E2F7: variants seen among roughly 807,000 people sequenced by gnomAD.
The protein encoded by E2F7 is E2F transcription factor 7.
Under a neutral mutation model 81.1 loss-of-function variants are expected in E2F7, and 35 were observed. That is an observed-to-expected ratio of 0.43 (90% CI 0.33 to 0.57). E2F7 has a LOEUF of 0.57. Ranked by LOEUF, E2F7 falls within the 20% of genes least tolerant of loss-of-function variation. The pLI, the probability that E2F7 is intolerant of heterozygous loss-of-function variation, is 0.04. For missense variants in E2F7, 961 were observed against 1,093.7 expected, an observed-to-expected ratio of 0.88 and a Z score of 1.71; for synonymous variants, 416 against 416.2, an observed-to-expected ratio of 1.00 and a Z score of 0.01.
intron 5 of E2F7, 160 bp downstream of exon 5, chr12:77,045,878 T>C (rs1038996968): frequency 2.3e-5 from 21 of 919,274 alleles, no homozygotes; most frequent in Non-Finnish European, 3.4e-5. Flanking sequence ...GGCAGTCCAG[T>C]TGGGGAGCCA....
intron 4 of E2F7, 53 bp downstream of exon 4, chr12:77,050,523 C>A (rs1954977719): frequency 4.4e-6 from 7 of 1,591,200 alleles, no homozygotes; most frequent in Non-Finnish European, 6.0e-6. Context: ...CCAAGGAAAC[C>A]AGTTTCCCAC....
chr12:77,032,027 G>A (rs191458139), intron 9 of E2F7, among the ~76,000 whole-genome samples: 5 of 152,222 alleles, frequency 3.3e-5, no homozygotes, highest in African/African-American at 9.6e-5. Flanking sequence ...CTCCTTTAGC[G>A]AGCCCTGCCA....
intron 2 of E2F7, among the ~76,000 whole-genome samples, chr12:77,058,301 A>G (rs1340493973): frequency 2.0e-5 from 3 of 152,326 alleles, no homozygotes; most frequent in African/African-American, 4.8e-5. Flanking sequence ...CATAGGCACT[A>G]ATATTTTTCC....
intron 7 of E2F7, among the ~76,000 whole-genome samples, chr12:77,042,246 A>C (rs1954899839): frequency 6.6e-6 from 1 of 152,246 alleles, no homozygotes; most frequent in African/African-American, 2.4e-5. Context: ...GTGCATACGC[A>C]CTGGGTTGAA....
At chr12:77,039,198 C>T (rs1954877011) in intron 7 of E2F7, among the ~76,000 whole-genome samples, 1 of 152,160 alleles carries the variant, frequency 6.6e-6, no homozygotes, top group Admixed American at 6.5e-5. Context: ...GAAAAGCACC[C>T]CATTGATCCA....
In E2F7 at chr12:77,025,586, T is replaced by C. The variant is rs1241104584; in HGVS notation, c.2537A>G (p.His846Arg). 3 of 1,614,104 alleles carry C rather than the reference T, an allele frequency of 1.9e-6. No homozygotes were observed. In the African/African-American group the frequency reaches 4.0e-5, roughly 22 times the overall value. ...ATGTAATTTTACTACTGAGACTGGA[T>C]GTCCCACGTAAACGGGGGACTCAGG... ...QQPESPVYVG[H>R]PVSVVKLHQS... Residue 846 changes from histidine (H) to arginine (R), a missense_variant, in exon 12 of 13, where the codon CAT (histidine) becomes CGT (arginine). Around this residue, in one of 3 missense-constraint regions of E2F7, gnomAD observed 587 missense variants for 620.3 expected, o/e 0.95. Coordinates refer to ENST00000322886, the MANE Select transcript of E2F7 (RefSeq NM_203394.3).
At chr12:77,034,383 G>C (rs527642888) in intron 7 of E2F7, among the ~76,000 whole-genome samples, 1 of 152,330 alleles carries the variant, frequency 6.6e-6, no homozygotes, top group South Asian at 2.1e-4. Context: ...GAGTATCAAA[G>C]GAAAGCCCGA....
intron 2 of E2F7, among the ~76,000 whole-genome samples, chr12:77,056,686 T>C (rs761515777): frequency 2.0e-4 from 30 of 152,142 alleles, no homozygotes; most frequent in Admixed American, 6.5e-4. Context: ...GGACTCGTTT[T>C]TTTAGATTTC....
At chr12:77,027,176 A>G (rs1954766748) in intron 11 of E2F7, among the ~76,000 whole-genome samples, 1 of 152,224 alleles carries the variant, frequency 6.6e-6, no homozygotes, top group African/African-American at 2.4e-5. Flanking sequence ...TAAGCCAACA[A>G]GGAATTGAGG....
chr12:77,050,588 C>T lies in E2F7; in HGVS notation c.526G>A (p.Ala176Thr), dbSNP rs1330078849. ...TGATGATACATACCAAGACTGACAG[C>T]AACTTCATCTAGGGAGATGGTAGTT... ...EKTTISLDEV[A>T]VSLGVERRRI... is the part of the protein sequence containing the mutation. The change falls in exon 4 of 13, where the codon GCT becomes ACT. Residue 176 changes from alanine (A) to threonine (T), a missense_variant. Transcript: ENST00000322886. 1.2e-6 allele frequency: 2 copies of T among 1,613,938 alleles called. No homozygotes were observed. Among genetic ancestry groups the T allele is most frequent in the East Asian group, 4.5e-5 (2 of 44,870 alleles).
At chr12:77,047,881 C>T (rs1279787908) in intron 4 of E2F7, among the ~76,000 whole-genome samples, 1 of 152,186 alleles carries the variant, frequency 6.6e-6, no homozygotes, top group African/African-American at 2.4e-5. Context: ...TGTATTAACA[C>T]ATCTTGTTTA....
intron 10 of E2F7, 91 bp from the exon 11 acceptor site, chr12:77,028,229 G>C: frequency 6.7e-7 from 1 of 1,486,326 alleles, no homozygotes; most frequent in Non-Finnish European, 8.9e-7. Flanking sequence ...GTCTCACTCT[G>C]TTGCCCAAGC....
chr12:77,060,511 C>T (rs1449802445), intron 2 of E2F7, among the ~76,000 whole-genome samples: 1 of 152,180 alleles, frequency 6.6e-6, no homozygotes, highest in African/African-American at 2.4e-5. Context: ...ACAATATACA[C>T]AGTCAAGTGT....
intron 3 of E2F7, among the ~76,000 whole-genome samples, chr12:77,055,557 A>T (rs1243496222): frequency 6.6e-6 from 1 of 152,210 alleles, no homozygotes; most frequent in Non-Finnish European, 1.5e-5. Context: ...ATTAAAATTC[A>T]CAGCAGCATT....
At position 77,043,069 on chromosome 12, in the gene E2F7, T is replaced by C. The variant is rs764431999; in HGVS notation, c.1119A>G (p.Ser373=). The C allele has an allele frequency of 6.2e-7, 1 of 1,613,948 alleles. No individual in the cohort carries two copies. The highest frequency in any genetic ancestry group is 1.3e-5 in the African/African-American group (1 of 74,914). Residue 373 remains serine (S), a synonymous_variant, in exon 7 of 13, where the codon TCA becomes TCG. Coordinates refer to ENST00000322886, the MANE Select transcript of E2F7 (RefSeq NM_203394.3). ...FKWIGPVDFS[S]SDEELVDVSA... is the part of the protein sequence containing the mutation. ...AGCAAAACCACGCCACCTTACCACT[T>C]GAGCTGAAGTCCACAGGCCCGATCC...
intron 2 of E2F7, among the ~76,000 whole-genome samples, chr12:77,063,448 G>A (rs766037528): frequency 1.3e-5 from 2 of 152,134 alleles, no homozygotes. Flanking sequence ...TGGTACATAA[G>A]TACTTAGTTA....
intron 12 of E2F7, among the ~76,000 whole-genome samples, chr12:77,025,032 GTATAGATGTATATACATCTATGTAT>G (rs553082930): frequency 1.3e-5 from 2 of 151,774 alleles, no homozygotes; most frequent in Admixed American, 6.6e-5. Flanking sequence ...TTCTGCGTAT[GTATAGATGTATATACATCTATGTAT>G]TATAGATGTA....
At chr12:77,029,619 TAG>T (rs1954788185) in intron 10 of E2F7, among the ~76,000 whole-genome samples, 1 of 152,276 alleles carries the variant, frequency 6.6e-6, no homozygotes, top group African/African-American at 2.4e-5. Context: ...TAGCATTTTA[TAG>T]AAAGTGTGAG....
intron 3 of E2F7, among the ~76,000 whole-genome samples, chr12:77,051,267 G>A (rs190343580): frequency 4.5e-4 from 68 of 152,220 alleles, no homozygotes; most frequent in African/African-American, 1.6e-3. Context: ...CCTTTTATTT[G>A]TAAATACATT....
Sources: allele counts gnomAD v4.1 joint callset (sites outside exome capture counted in the v4.1 genomes callset), GRCh38; gene constraint gnomAD v4.1.1; regional missense constraint gnomAD v4.1.1; transcripts MANE v1.5; gene names NCBI Gene and HGNC (gene_info 2026-07-23, HGNC 2026-07-21).